DNAJC21: variants seen among roughly 807,000 people sequenced by gnomAD.
DNAJC21 encodes dnaJ homolog subfamily C member 21.
In DNAJC21, 63 loss-of-function variants were observed where a neutral mutation model predicts 72.4. That is an observed-to-expected ratio of 0.87 (90% CI 0.71 to 1.07). The LOEUF (loss-of-function observed/expected upper bound fraction) is 1.07, where lower values mean the gene tolerates loss of function less well. DNAJC21 is among the 50% of genes least tolerant of loss of function. The pLI, the probability that DNAJC21 is intolerant of heterozygous loss-of-function variation, is 0.00. For missense variants in DNAJC21, 634 were observed against 644.8 expected, an observed-to-expected ratio of 0.98 and a Z score of 0.18; for synonymous variants, 203 against 216.7, an observed-to-expected ratio of 0.94 and a Z score of 0.56.
rs1184903921 is a variant in DNAJC21, at chr5:34,955,882, T to C, written c.*1168T>C. 6.7e-6 allele frequency: 1 copy of C among 149,144 alleles called. No individual in the cohort carries two copies. The highest frequency in any genetic ancestry group is 2.5e-5 in the African/African-American group (1 of 40,568). The allele number at this position is 149,144 out of a possible 1,614,324, so 9.2% of individuals were successfully genotyped here. On this transcript the variant is annotated 3_prime_UTR_variant, in exon 12 of 12. Transcript: ENST00000648817. ...TCCCGGCTAAAACGGTGAAACCCCG[T>C]CTCTACTAAAAATACAAAAAATTAG...
At chr5:34,938,753 G>GT in intron 5 of DNAJC21, 105 bp from the exon 6 acceptor site, 1 of 1,275,602 alleles carries the variant, frequency 7.8e-7, no homozygotes. Context: ...GCGTGGATAG[G>GT]TTGGGAGCAA....
Position 34,941,282 on chromosome 5 carries a change from C to T in DNAJC21, c.983+99C>T, listed in dbSNP as rs908336013. On this transcript the variant is annotated intron_variant, in intron 7 of 11. Transcript: ENST00000648817. ...GCACAGTCATGACTCACCACAGCCT[C>T]GACCTGTTGAACTCAGATGATCCTC... The T allele has an allele frequency of 7.4e-6, 8 of 1,077,776 alleles. No homozygotes were observed. The South Asian group carries it at 8.5e-5, about 11-fold the overall frequency. The allele number at this position is 1,077,776 out of a possible 1,614,324, so 66.8% of individuals were successfully genotyped here. A position where few individuals can be genotyped will look rare whatever the true frequency, so the allele number is the denominator to read the frequency against.
At position 34,937,610 on chromosome 5, in the gene DNAJC21, G is replaced by A; in HGVS notation, c.723G>A (p.Gln241=). The change falls in exon 5 of 12, where the codon CAG becomes CAA. Residue 241 remains glutamine, a synonymous_variant. Transcript: ENST00000648817. The stretch of plus-strand genomic sequence containing the variant: ...GGAAAGCCGAAGAGATGAGGCGGCA[G>A]CAGAAGCTAAAGCAGGCCAAGTGCG... ...KARKAEEMRR[Q]QKLKQAKLVE... The A allele has an allele frequency of 6.2e-7, 1 of 1,612,896 alleles. No homozygotes were observed. The highest frequency in any genetic ancestry group is 1.7e-5 in the Admixed American group (1 of 59,912).
Position 34,945,029 on chromosome 5 carries a change from C to T in DNAJC21, c.1142+4C>T. 1.9e-6 allele frequency: 3 copies of T among 1,610,428 alleles called. No individual in the cohort carries two copies. The highest frequency in any genetic ancestry group is 2.5e-6 in the Non-Finnish European group (3 of 1,179,032). On this transcript the variant is annotated splice_donor_region_variant and intron_variant, in intron 8 of 11. Coordinates refer to ENST00000648817, the MANE Select transcript of DNAJC21 (RefSeq NM_001012339.3). ...TGGAAGATGCACCAAAACAAAAGTA[C>T]TTCTAAATATTAAATGTCACTAGAA...
chr5:34,941,230 C>T, intron 7 of DNAJC21, 47 bp downstream of exon 7: 1 of 1,539,756 alleles, frequency 6.5e-7, no homozygotes, highest in Non-Finnish European at 8.9e-7. Context: ...CAGGGTCTCA[C>T]TCTGTCACCA....
In DNAJC21 at chr5:34,958,213, A is replaced by T. The variant is rs1765590513; in HGVS notation, c.*3499A>T. On this transcript the variant is annotated 3_prime_UTR_variant, in exon 12 of 12. Transcript: ENST00000648817. ...AGAAGGACGAGAGGAAGAGGCATGA[A>T]CTTGTCCTAACAATGTCAAAGAATA... 1 of 152,260 alleles carries T rather than the reference A, an allele frequency of 6.6e-6. No individual in the cohort carries two copies. The highest frequency in any genetic ancestry group is 2.4e-5 in the African/African-American group (1 of 41,464). The allele number at this position is 152,260 out of a possible 1,614,324, so 9.4% of individuals were successfully genotyped here.
rs1186819869 is a variant in DNAJC21 at position 34,956,339 on chromosome 5, A to G, written c.*1625A>G. ...AAATTCTTTTCTTTTCCATTTAGAG[A>G]TATGTTTTTTTCTTTACCTTCATAC... On this transcript the variant is annotated 3_prime_UTR_variant, in exon 12 of 12. Transcript: ENST00000648817. The G allele has an allele frequency of 6.6e-6, 1 of 152,110 alleles. No individual in the cohort carries two copies. Among genetic ancestry groups the G allele is most frequent in the Non-Finnish European group, 1.5e-5 (1 of 68,012 alleles). The allele number at this position is 152,110 out of a possible 1,614,324, so 9.4% of individuals were successfully genotyped here. A position where few individuals can be genotyped will look rare whatever the true frequency, so the allele number is the denominator to read the frequency against.
Position 34,954,870 on chromosome 5 carries a change from T to C in DNAJC21, c.*156T>C, listed in dbSNP as rs930984372. 2 of 902,634 alleles carry C rather than the reference T, an allele frequency of 2.2e-6. No individual in the cohort carries two copies. Among genetic ancestry groups the C allele is most frequent in the Non-Finnish European group, 3.1e-6 (2 of 644,616 alleles). 55.9% of individuals were successfully genotyped at this position (902,634 alleles called of 1,614,324 possible). ...GTAAAAACACTTTTTTGGTTTAATA[T>C]ATATTTTTAAAACATTTCACTAGTG... is the stretch of plus-strand genomic sequence containing the variant. On this transcript the variant is annotated 3_prime_UTR_variant, in exon 12 of 12. Coordinates refer to ENST00000648817, the MANE Select transcript of DNAJC21 (RefSeq NM_001012339.3).
chr5:34,933,141 A>G (rs1023497449), intron 1 of DNAJC21, among the ~76,000 whole-genome samples: 1 of 152,246 alleles, frequency 6.6e-6, no homozygotes, highest in Non-Finnish European at 1.5e-5. Flanking sequence ...GAAAAAAACA[A>G]TGTCAGCACT....
chr5:34,935,976 A>T, intron 3 of DNAJC21, 143 bp downstream of exon 3: 1 of 1,407,876 alleles, frequency 7.1e-7, no homozygotes, highest in Non-Finnish European at 9.6e-7. Flanking sequence ...CTTCATGTTT[A>T]AGCTGTCAGT....
chr5:34,950,965 C>A, intron 10 of DNAJC21: 1 of 981,686 alleles, frequency 1.0e-6, no homozygotes, highest in South Asian at 4.8e-5. Flanking sequence ...GAGGAAAGAT[C>A]TGATAGTGAG....
Position 34,930,044 on chromosome 5 carries a change from C to T in DNAJC21, c.97+128C>T, listed in dbSNP as rs2112006301. Reference sequence around the variant, plus strand: ...CTGGCGGCCTAGGAGCTCCTTGCCCCGCCCGGCCAGTGCCCGGAGCCGCCC... The same window carrying T: ...CTGGCGGCCTAGGAGCTCCTTGCCCTGCCCGGCCAGTGCCCGGAGCCGCCC... On this transcript the variant is annotated intron_variant, in intron 1 of 11. Coordinates refer to ENST00000648817, the MANE Select transcript of DNAJC21 (RefSeq NM_001012339.3). The T allele has an allele frequency of 6.0e-6, 4 of 667,782 alleles. No homozygotes were observed. In the East Asian group the frequency reaches 1.6e-4, roughly 27 times the overall value. The allele number at this position is 667,782 out of a possible 1,614,324, so 41.4% of individuals were successfully genotyped here.
chr5:34,948,738 G>A (rs568878343), intron 9 of DNAJC21, among the ~76,000 whole-genome samples: 22 of 152,068 alleles, frequency 1.4e-4, no homozygotes, highest in African/African-American at 3.9e-4. Flanking sequence ...GGTGCCATGC[G>A]CCTGTAATTC....
chr5:34,949,629 T>C, intron 9 of DNAJC21: 1 of 1,609,172 alleles, frequency 6.2e-7, no homozygotes, highest in Non-Finnish European at 8.5e-7. Context: ...AGAGAAGAGA[T>C]GGAGAGAGCG....
chr5:34,938,729 T>C, intron 5 of DNAJC21, 129 bp from the exon 6 acceptor site: 9 of 1,025,576 alleles, frequency 8.8e-6, no homozygotes, highest in Non-Finnish European at 1.0e-5. Context: ...TAAGCACAGG[T>C]TTTAAGTTTG....
In DNAJC21 at chr5:34,954,692, AAG is replaced by A; in HGVS notation, c.1578_1579del (p.Lys527ThrfsTer2). The A allele has an allele frequency of 1.2e-6, 2 of 1,609,120 alleles. No individual in the cohort carries two copies. Among genetic ancestry groups the A allele is most frequent in the Non-Finnish European group, 1.7e-6 (2 of 1,178,212 alleles). On this transcript the variant is annotated frameshift_variant, in exon 12 of 12. Coordinates refer to ENST00000648817, the MANE Select transcript of DNAJC21 (RefSeq NM_001012339.3). LOFTEE classifies it high-confidence loss of function. ...AGCGCAACAAGTAGTCAAAGCAAGA[AAG>A]AGAAACGTAAAAACAGATAGAGATT...
In DNAJC21 at chr5:34,956,188, A is replaced by G. The variant is rs1371952741; in HGVS notation, c.*1474A>G. ...TAACGAAATGAACAAATTTTCGGTT[A>G]CAGATCAGCTCTCAAACACTAAAGT... On this transcript the variant is annotated 3_prime_UTR_variant, in exon 12 of 12. Coordinates refer to ENST00000648817, the MANE Select transcript of DNAJC21 (RefSeq NM_001012339.3). 1 of 152,498 alleles carries G rather than the reference A, an allele frequency of 6.6e-6. No homozygotes were observed. Among genetic ancestry groups the G allele is most frequent in the African/African-American group, 2.4e-5 (1 of 41,396 alleles). The allele number at this position is 152,498 out of a possible 1,614,324, so 9.4% of individuals were successfully genotyped here. A position where few individuals can be genotyped will look rare whatever the true frequency, so the allele number is the denominator to read the frequency against.
intron 6 of DNAJC21, 100 bp from the exon 7 acceptor site, chr5:34,940,996 T>C: frequency 1.0e-6 from 1 of 964,108 alleles, no homozygotes; most frequent in Non-Finnish European, 1.6e-6. Context: ...TATTTTTTTT[T>C]AGGTAAAGAA....
At chr5:34,930,701 C>T (rs892707072) in intron 1 of DNAJC21, among the ~76,000 whole-genome samples, 2 of 152,144 alleles carry the variant, frequency 1.3e-5, no homozygotes, top group South Asian at 2.1e-4. Context: ...TATGAAGAGG[C>T]TTTCATATTA....
Sources: gnomAD v4.1 joint callset for allele counts (sites outside exome capture counted in the v4.1 genomes callset) on GRCh38, gnomAD v4.1.1 for gene constraint, MANE v1.5 for transcripts, NCBI Gene and HGNC (gene_info 2026-07-23, HGNC 2026-07-21) for gene names.